The following PLCL2 variants were observed in gnomAD, a reference collection of about 807,000 sequenced individuals.
PLCL2 encodes the protein phospholipase C like 2.
A neutral mutation model predicts 79.6 loss-of-function variants in PLCL2; 4 were observed. The observed-to-expected ratio is 0.05, with a 90% CI of 0.02 to 0.11. The LOEUF is 0.11. PLCL2 is among the 10% of genes least tolerant of loss of function. PLCL2 has a pLI of 1.00. For missense variants in PLCL2, 895 were observed against 1,291.0 expected (o/e 0.69, Z 4.70); for synonymous variants, 484 against 457.7 (o/e 1.06, Z -0.73).
chr3:16,907,179 C>T (rs1041864502), intron 1 of PLCL2, among the ~76,000 whole-genome samples: 2 of 147,358 alleles, frequency 1.4e-5, no homozygotes, highest in African/African-American at 5.3e-5. Flanking sequence ...TTACTAATAA[C>T]TTATACCTCA....
At chr3:17,054,320 C>G (rs1268813502) in intron 4 of PLCL2, among the ~76,000 whole-genome samples, 1 of 152,124 alleles carries the variant, frequency 6.6e-6, no homozygotes, top group Non-Finnish European at 1.5e-5. Context: ...ACTTCATTGT[C>G]CATGTCACTA....
chr3:17,017,364 C>T (rs2064396231), intron 3 of PLCL2, among the ~76,000 whole-genome samples: 1 of 151,996 alleles, frequency 6.6e-6, no homozygotes, highest in Non-Finnish European at 1.5e-5. Context: ...ATAAAATAAG[C>T]TAATAAAATA....
chr3:16,956,549 G>T (rs1254031063), intron 1 of PLCL2, among the ~76,000 whole-genome samples: 1 of 152,192 alleles, frequency 6.6e-6, no homozygotes, highest in African/African-American at 2.4e-5. Context: ...CTCATAAAAT[G>T]AGTTAGGCAG....
chr3:17,030,574 C>T (rs1038074932), intron 3 of PLCL2, among the ~76,000 whole-genome samples: 4 of 152,168 alleles, frequency 2.6e-5, no homozygotes, highest in African/African-American at 9.7e-5. Context: ...AGTTGTCTCT[C>T]TGCTCTGAAA....
intron 1 of PLCL2, among the ~76,000 whole-genome samples, chr3:16,962,437 C>T (rs2063763975): frequency 2.5e-5 from 3 of 119,836 alleles, no homozygotes; most frequent in East Asian, 2.0e-4. Context: ...TTTTTTTTTC[C>T]CCAAGGACCT....
chr3:16,911,272 A>G (rs1696876756), intron 1 of PLCL2, among the ~76,000 whole-genome samples: 1 of 151,722 alleles, frequency 6.6e-6, no homozygotes, highest in Non-Finnish European at 1.5e-5. Context: ...AAAAAAAAAA[A>G]AGTAATGAGC....
chr3:16,889,387 T>C (rs937239320), intron 1 of PLCL2, among the ~76,000 whole-genome samples: 1 of 152,196 alleles, frequency 6.6e-6, no homozygotes, highest in Non-Finnish European at 1.5e-5. Context: ...CCTCTTTAAA[T>C]GTAGGAGATA....
chr3:16,902,299 C>T (rs1256544148), intron 1 of PLCL2, among the ~76,000 whole-genome samples: 1 of 152,162 alleles, frequency 6.6e-6, no homozygotes, highest in Non-Finnish European at 1.5e-5. Context: ...ACAGCAAGGT[C>T]TTCTTTCATA....
intron 5 of PLCL2, among the ~76,000 whole-genome samples, chr3:17,082,853 G>A (rs1035897234): frequency 6.6e-6 from 1 of 151,990 alleles, no homozygotes; most frequent in Non-Finnish European, 1.5e-5. Context: ...TACATTAAAA[G>A]TAAAATAAAA....
intron 4 of PLCL2, among the ~76,000 whole-genome samples, chr3:17,064,976 T>TGCA: frequency 6.6e-6 from 1 of 151,614 alleles, no homozygotes; most frequent in East Asian, 1.9e-4. Context: ...AGATGTGTTA[T>TGCA]GCAGCAAATC....
At chr3:17,073,360 G>C (rs1384791799) in intron 5 of PLCL2, among the ~76,000 whole-genome samples, 1 of 152,118 alleles carries the variant, frequency 6.6e-6, no homozygotes, top group Middle Eastern at 3.2e-3. Context: ...AATGTACATA[G>C]CTTAATTTAA....
chr3:16,935,505 T>C (rs574240831), intron 1 of PLCL2, among the ~76,000 whole-genome samples: 1 of 152,306 alleles, frequency 6.6e-6, no homozygotes, highest in South Asian at 2.1e-4. Flanking sequence ...TTATTTTCAT[T>C]TTTTACCTTC....
At chr3:16,910,039 CCCT>C (rs1161436511) in intron 1 of PLCL2, among the ~76,000 whole-genome samples, 1 of 152,144 alleles carries the variant, frequency 6.6e-6, no homozygotes, top group African/African-American at 2.4e-5. Context: ...AATCCTTCTT[CCCT>C]CCTCAGCTAA....
chr3:17,044,277 C>T (rs1559530084), intron 4 of PLCL2: 1 of 152,384 alleles, frequency 6.6e-6, no homozygotes, highest in East Asian at 1.9e-4. Context: ...CTACCCTCTG[C>T]TTTGGGCTGC....
rs549988359 is a variant in PLCL2 at position 16,897,050 on chromosome 3, C to T, written c.327+11684C>T. ...TAGATATGAGAGAACAAACAGCTCC[C>T]GGAATCCTGCAGATGATAGTTGGTG... On this transcript the variant is annotated intron_variant, in intron 1 of 5. Transcript: ENST00000615277. 3.5e-4 allele frequency among the ~76,000 whole-genome samples: 53 copies of T among 152,022 alleles called. 1 individual carries two copies. The highest frequency in any genetic ancestry group is 7.4e-4 in the Non-Finnish European group (50 of 68,014).
chr3:17,005,343 G>A (rs1469561888), intron 1 of PLCL2, among the ~76,000 whole-genome samples: 4 of 149,886 alleles, frequency 2.7e-5, no homozygotes, highest in Non-Finnish European at 5.9e-5. Flanking sequence ...GTTGCCAGCC[G>A]ATGAAATGAG....
In PLCL2 at chr3:17,010,260, C is replaced by T. The variant is rs369709033; in HGVS notation, c.914C>T (p.Thr305Met). 172 of 1,613,808 alleles carry T rather than the reference C, an allele frequency of 1.1e-4. No individual in the cohort carries two copies. Among genetic ancestry groups the T allele is most frequent in the African/African-American group, 1.9e-4 (14 of 75,014 alleles). Residue 305 changes from threonine to methionine, a missense_variant, in exon 2 of 6, where the codon ACG becomes ATG. By Grantham distance (81) the Thr-to-Met change is moderately conservative. Around this residue, in one of 6 missense-constraint regions of PLCL2, gnomAD observed 93 missense variants for 93.2 expected, o/e 1.00. Coordinates refer to ENST00000615277, the MANE Select transcript of PLCL2 (RefSeq NM_001144382.2). This position sits in a 1 kb window ranked among gnomAD's most constrained non-coding sequence, Gnocchi z 5.8. ...CIRNLNPGLK[T>M]SKIELKFKEL... ...AGAAACCTCAATCCTGGTTTAAAAACGAGCAAAATTGAGCTTAAGTTCAAA... is the reference window on the plus strand; with the variant it reads ...AGAAACCTCAATCCTGGTTTAAAAATGAGCAAAATTGAGCTTAAGTTCAAA...
intron 4 of PLCL2, among the ~76,000 whole-genome samples, chr3:17,053,256 A>G (rs1413982865): frequency 6.6e-6 from 1 of 151,816 alleles, no homozygotes; most frequent in East Asian, 1.9e-4. Context: ...ACTTACAATC[A>G]TGGCAGAAGG....
intron 3 of PLCL2, among the ~76,000 whole-genome samples, chr3:17,036,147 A>T (rs2064651460): frequency 6.6e-6 from 1 of 152,046 alleles, no homozygotes; most frequent in Non-Finnish European, 1.5e-5. Context: ...CGGCCCCTGG[A>T]TAGGCACCAG....
Sources: allele counts gnomAD v4.1 joint callset (sites outside exome capture counted in the v4.1 genomes callset), GRCh38; gene constraint gnomAD v4.1.1; regional missense constraint gnomAD v4.1.1; non-coding constraint Gnocchi (gnomAD v3.1); transcripts MANE v1.5; gene names NCBI Gene and HGNC (gene_info 2026-07-23, HGNC 2026-07-21).